Variants in ROCK2 observed in about 807,000 individuals in gnomAD.
The protein encoded by ROCK2 is rho-associated protein kinase 2.
ROCK2 carries 61 observed loss-of-function variants against 195.1 expected under a neutral mutation model. The observed-to-expected ratio is 0.31, with a 90% confidence interval of 0.25 to 0.39. ROCK2 has a LOEUF of 0.39. Ranked by LOEUF, ROCK2 falls within the 10% of genes least tolerant of loss-of-function variation. The pLI is 1.00. For synonymous variants in ROCK2, 504 were observed against 545.5 expected (o/e 0.92, Z 1.06); for missense variants, 1,109 against 1,637.4 (o/e 0.68, Z 5.57).
At chr2:11,283,413 T>C (rs1259004669) in intron 3 of ROCK2, among the ~76,000 whole-genome samples, 4 of 148,994 alleles carry the variant, frequency 2.7e-5, no homozygotes, top group Admixed American at 6.7e-5. Flanking sequence ...ACAAAAAAAT[T>C]AGCCGGGCGC....
At chr2:11,260,280 T>G (rs1283541051) in intron 3 of ROCK2, among the ~76,000 whole-genome samples, 1 of 150,478 alleles carries the variant, frequency 6.6e-6, no homozygotes, top group Non-Finnish European at 1.5e-5. Flanking sequence ...AAACCCCATC[T>G]CTACTAAAAA....
At chr2:11,281,192 A>G (rs913931416) in intron 3 of ROCK2, among the ~76,000 whole-genome samples, 2 of 148,028 alleles carry the variant, frequency 1.4e-5, no homozygotes, top group South Asian at 4.3e-4. Flanking sequence ...GACAAATCCA[A>G]CACCCACTCA....
At chr2:11,309,781 AC>A (rs1350246124) in intron 1 of ROCK2, among the ~76,000 whole-genome samples, 1 of 152,136 alleles carries the variant, frequency 6.6e-6, no homozygotes, top group Non-Finnish European at 1.5e-5. Context: ...GGAGTTTGAG[AC>A]CAGTCTGGGA....
chr2:11,274,154 AC>A (rs1253136010), intron 3 of ROCK2, among the ~76,000 whole-genome samples: 3 of 152,112 alleles, frequency 2.0e-5, no homozygotes, highest in African/African-American at 7.2e-5. Context: ...CATTAAAAAA[AC>A]GAGAATGATC....
At chr2:11,247,294 T>C (rs998309875) in intron 4 of ROCK2, among the ~76,000 whole-genome samples, 5 of 152,146 alleles carry the variant, frequency 3.3e-5, no homozygotes, top group Admixed American at 6.5e-5. Flanking sequence ...TGGTGATGGT[T>C]GTACAACTCT....
intron 1 of ROCK2, among the ~76,000 whole-genome samples, chr2:11,314,165 T>C (rs911464667): frequency 7.2e-5 from 11 of 151,964 alleles, no homozygotes; most frequent in East Asian, 1.9e-4. Context: ...GCATTTATAA[T>C]GATACCAGAA....
intron 3 of ROCK2, among the ~76,000 whole-genome samples, chr2:11,269,077 T>C (rs1666530186): frequency 2.0e-5 from 3 of 152,338 alleles, no homozygotes; most frequent in East Asian, 1.9e-4. Flanking sequence ...TTATTGTACT[T>C]TTCAGCTCTA....
chr2:11,314,100 T>C (rs1367207603), intron 1 of ROCK2, among the ~76,000 whole-genome samples: 1 of 151,884 alleles, frequency 6.6e-6, no homozygotes, highest in Non-Finnish European at 1.5e-5. Context: ...TTAAAAGCTA[T>C]TAAAAATAAG....
At chr2:11,221,497 GAATT>G in intron 8 of ROCK2, 140 bp from the exon 9 acceptor site, 1 of 541,978 alleles carries the variant, frequency 1.8e-6, no homozygotes, top group Non-Finnish European at 2.9e-6. Context: ...TCGATTCACA[GAATT>G]AAAATTTTGT....
rs899205266 is a variant in ROCK2 at position 11,230,158 on chromosome 2, G to A, written c.724-2760C>T. 1.8e-3 allele frequency among the ~76,000 whole-genome samples: 270 copies of A among 152,054 alleles called. 4 individuals are homozygous for A. The highest frequency in any genetic ancestry group is 7.4e-5 in the Non-Finnish European group (5 of 67,996). ...GAAGTAATGACAGTCCAGAAGCAAT[G>A]AGCACATCTAGCACCCAATTATTGA... On this transcript the variant is annotated intron_variant, in intron 5 of 32. Transcript: ENST00000315872.
intron 32 of ROCK2, among the ~76,000 whole-genome samples, chr2:11,185,894 C>T (rs957740466): frequency 5.9e-5 from 9 of 152,156 alleles, no homozygotes; most frequent in African/African-American, 1.4e-4. Context: ...TTCTTATTTA[C>T]ACACTTCTAA....
At chr2:11,194,455 GTAAC>G (rs1402785885) in intron 28 of ROCK2, 111 bp from the exon 29 acceptor site, 7 of 399,860 alleles carry the variant, frequency 1.8e-5, no homozygotes, top group Admixed American at 4.3e-5. Context: ...AAAATACTAA[GTAAC>G]TAAAAAGTAT....
intron 5 of ROCK2, among the ~76,000 whole-genome samples, chr2:11,232,091 C>T (rs1665033130): frequency 6.6e-6 from 1 of 151,906 alleles, no homozygotes; most frequent in African/African-American, 2.4e-5. Flanking sequence ...AAGTCACAGT[C>T]CCTTCTGTAA....
intron 3 of ROCK2, among the ~76,000 whole-genome samples, chr2:11,251,859 G>C (rs1436934859): frequency 6.6e-6 from 1 of 152,132 alleles, no homozygotes; most frequent in Non-Finnish European, 1.5e-5. Flanking sequence ...CAAAGGATAT[G>C]AACAGACACC....
intron 1 of ROCK2, among the ~76,000 whole-genome samples, chr2:11,326,626 T>C (rs1668558625): frequency 1.3e-5 from 2 of 152,210 alleles, no homozygotes; most frequent in South Asian, 4.1e-4. Flanking sequence ...ATGAGACTTA[T>C]GTCTAGGGGT....
intron 1 of ROCK2, among the ~76,000 whole-genome samples, chr2:11,317,162 C>A (rs1278899797): frequency 6.6e-6 from 1 of 151,942 alleles, no homozygotes; most frequent in Non-Finnish European, 1.5e-5. Context: ...ATGCAAGTAA[C>A]TAAAAGACAT....
chr2:11,248,193 T>C (rs997020340), intron 4 of ROCK2, among the ~76,000 whole-genome samples: 2 of 121,036 alleles, frequency 1.7e-5, no homozygotes, highest in Non-Finnish European at 3.3e-5. Context: ...CTAAATAACA[T>C]GGTCAAAAGT....
chr2:11,222,043 G>T, intron 8 of ROCK2, 40 bp downstream of exon 8: 1 of 1,206,852 alleles, frequency 8.3e-7, no homozygotes, highest in Non-Finnish European at 1.2e-6. Flanking sequence ...ATGAGTTTCA[G>T]AATGTGATGG....
chr2:11,338,432 GA>G (rs1358772089), intron 1 of ROCK2, among the ~76,000 whole-genome samples: 4 of 151,440 alleles, frequency 2.6e-5, no homozygotes, highest in East Asian at 1.9e-4. Flanking sequence ...AAATAATTTG[GA>G]AAAAAAATAA....
Sources: gnomAD v4.1 joint callset for allele counts (sites outside exome capture counted in the v4.1 genomes callset) on GRCh38, gnomAD v4.1.1 for gene constraint, MANE v1.5 for transcripts, NCBI Gene and HGNC (gene_info 2026-07-23, HGNC 2026-07-21) for gene names.